MDN1: variants seen among roughly 807,000 people sequenced by gnomAD.
MDN1 encodes the protein midasin AAA ATPase 1.
Under a neutral mutation model 669.2 loss-of-function variants are expected in MDN1, and 266 were observed. That is an observed-to-expected ratio of 0.40 (90% confidence interval 0.36 to 0.44). The LOEUF is 0.44. Ranked by LOEUF, MDN1 falls within the 20% of genes least tolerant of loss-of-function variation. MDN1 has a pLI of 1.00. For synonymous variants in MDN1, 2,385 were observed against 2,457.1 expected, an observed-to-expected ratio of 0.97 and a Z score of 0.87; for missense variants, 5,940 against 6,754.0, an observed-to-expected ratio of 0.88 and a Z score of 4.22.
chr6:89,656,994 G>C (rs1422633554), intron 90 of MDN1, among the ~76,000 whole-genome samples, 193 bp from the exon 91 acceptor site: 1 of 152,202 alleles, frequency 6.6e-6, no homozygotes, highest in Non-Finnish European at 1.5e-5. Context: ...GGAGTGTCTA[G>C]GTACAGACCT....
intron 84 of MDN1, among the ~76,000 whole-genome samples, chr6:89,665,765 C>T (rs1167330509): frequency 6.6e-6 from 1 of 150,512 alleles, no homozygotes; most frequent in Non-Finnish European, 1.5e-5. Flanking sequence ...AATAGCCAGG[C>T]ATGGTGGTTC....
rs142650051 is a variant in MDN1, at chr6:89,685,829, T to C, written c.11717A>G (p.Lys3906Arg). Residue 3906 changes from lysine to arginine, a missense_variant and splice_region_variant, in exon 70 of 102, where the codon AAG (lysine) becomes AGG (arginine). This residue lies in a region of MDN1 where 2,280 missense variants were observed against 2,576.3 expected (regional missense o/e 0.88). Coordinates refer to ENST00000369393, the MANE Select transcript of MDN1 (RefSeq NM_014611.3). ...HVLLMPQVEGKDSLCSVLWNL... is the reference protein window; with the variant it reads ...HVLLMPQVEGRDSLCSVLWNL... The stretch of plus-strand genomic sequence containing the variant: ...GGAAAGGAAAAAAAAATCCTCACCC[T>C]TTCCTTCAACCTGTGGCATCAGCAA... 16 of 1,611,930 alleles carry C rather than the reference T, an allele frequency of 9.9e-6. No individual in the cohort carries two copies. The African/African-American group carries it at 2.0e-4, about 20-fold the overall frequency.
At position 89,803,344 on chromosome 6, in the gene MDN1, G is replaced by A; in HGVS notation, c.313C>T (p.His105Tyr). The A allele has an allele frequency of 6.2e-7, 1 of 1,614,008 alleles. No individual in the cohort carries two copies. Among genetic ancestry groups the A allele is most frequent in the Non-Finnish European group, 8.5e-7 (1 of 1,179,918 alleles). The change falls in exon 2 of 102, where the codon CAT (histidine) becomes TAT (tyrosine). Residue 105 changes from histidine (H) to tyrosine (Y), a missense_variant. By Grantham distance (83) the His-to-Tyr change is moderately conservative. This residue lies in a region of MDN1 where 1,203 missense variants were observed against 1,268.9 expected (regional missense o/e 0.95). Coordinates refer to ENST00000369393, the MANE Select transcript of MDN1 (RefSeq NM_014611.3). ...GCTACTCACGGGAGGACATCAGGAT[G>A]GTTACCAATGAGTTTGCTCATCGAC... is the stretch of plus-strand genomic sequence containing the variant. ...CVSMSKLIGN[H>Y]PDVLPFALRY...
chr6:89,755,394 AAAAAAT>A (rs1457933041), intron 20 of MDN1, among the ~76,000 whole-genome samples: 221 of 152,034 alleles, frequency 1.5e-3, no homozygotes, highest in African/African-American at 5.1e-3. Context: ...AAAAAAAAAA[AAAAAAT>A]AGAACTCCAA....
intron 18 of MDN1, 152 bp downstream of exon 18, chr6:89,758,664 T>C: frequency 2.4e-6 from 2 of 822,724 alleles, no homozygotes; most frequent in South Asian, 1.8e-5. Context: ...CCCAACACTT[T>C]AATGCACTTT....
intron 88 of MDN1, among the ~76,000 whole-genome samples, chr6:89,660,089 G>A (rs1368455201): frequency 6.6e-6 from 1 of 152,104 alleles, no homozygotes; most frequent in Non-Finnish European, 1.5e-5. Context: ...GTTTCTCCAT[G>A]TTGGTCAGGC....
In MDN1 at chr6:89,658,876, C is replaced by T. The variant is rs1172772682; in HGVS notation, c.14755G>A (p.Gly4919Ser). ...LEIKEKPEEA[G>S]HEAEERGETE... ...TCTCCTCTTTCCTCAGCTTCATGAC[C>T]TGCTTCTTCTGGTTTTTCTTTTATC... Residue 4919 changes from glycine (G) to serine (S), a missense_variant, in exon 89 of 102, where the codon GGT becomes AGT. Physicochemically the swap from Gly to Ser is moderately conservative, Grantham distance 56. Transcript: ENST00000369393. 1.9e-6 allele frequency: 3 copies of T among 1,613,022 alleles called. No individual in the cohort carries two copies. In the African/African-American group the frequency reaches 4.0e-5, roughly 22 times the overall value.
rs1366664142 is a variant in MDN1, at chr6:89,810,862, G to A, written c.103-7308C>T. ...AAAATACAAAAATTAGCTGGGCATG[G>A]TGGCACACACCTGTAATCCCAGCTG... is the stretch of plus-strand genomic sequence containing the variant. On this transcript the variant is annotated intron_variant, in intron 1 of 101. Coordinates refer to ENST00000369393, the MANE Select transcript of MDN1 (RefSeq NM_014611.3). 2.6e-5 allele frequency among the ~76,000 whole-genome samples: 4 copies of A among 152,148 alleles called. No individual in the cohort carries two copies. In the East Asian group the frequency reaches 7.7e-4, roughly 29 times the overall value.
intron 1 of MDN1, among the ~76,000 whole-genome samples, chr6:89,808,468 G>T (rs292222): frequency 0.47 from 71,948 of 151,818 alleles, 17,314 homozygotes; most frequent in South Asian, 0.56. Context: ...CAACTTGGTC[G>T]TTCCACTCCA....
intron 10 of MDN1, among the ~76,000 whole-genome samples, chr6:89,780,811 T>C (rs1440062741): frequency 3.5e-5 from 2 of 57,766 alleles, no homozygotes; most frequent in Admixed American, 2.3e-4. Flanking sequence ...TGGCTAATTT[T>C]TGTATTTTTT....
chr6:89,644,943 A>G, intron 101 of MDN1, 72 bp downstream of exon 101: 1 of 1,472,968 alleles, frequency 6.8e-7, no homozygotes, highest in Non-Finnish European at 9.2e-7. Context: ...TCCAGGCCAT[A>G]TTTCAGATTG....
At position 89,653,221 on chromosome 6, in the gene MDN1, AT is replaced by A. The variant is rs1344069004; in HGVS notation, c.15662-67del. The A allele has an allele frequency of 3.5e-6, 5 of 1,445,438 alleles. No individual in the cohort carries two copies. In the African/African-American group the frequency reaches 7.1e-5, roughly 21 times the overall value. 89.5% of individuals were successfully genotyped at this position (1,445,438 alleles called of 1,614,324 possible). A position where few individuals can be genotyped will look rare whatever the true frequency, so the allele number is the denominator to read the frequency against. On this transcript the variant is annotated intron_variant, in intron 93 of 101. Coordinates refer to ENST00000369393, the MANE Select transcript of MDN1 (RefSeq NM_014611.3). ...CCTGATGACTGACCAAGCCTTTGCT[AT>A]TGCCTGTTAATCCTGAAAATTAATC...
At chr6:89,814,235 C>G (rs1340715591) in intron 1 of MDN1, among the ~76,000 whole-genome samples, 1 of 152,106 alleles carries the variant, frequency 6.6e-6, no homozygotes, top group African/African-American at 2.4e-5. Context: ...ATACTCTCTT[C>G]CCTTCAGAAT....
chr6:89,718,670 A>G (rs375260524), intron 42 of MDN1, 43 bp from the exon 43 acceptor site: 11 of 1,608,682 alleles, frequency 6.8e-6, no homozygotes, highest in Admixed American at 1.7e-5. Context: ...GGGTCAGAGA[A>G]TACTGTTATC....
At chr6:89,670,608 TG>T (rs1810683750) in intron 83 of MDN1, among the ~76,000 whole-genome samples, 1 of 152,006 alleles carries the variant, frequency 6.6e-6, no homozygotes, top group Non-Finnish European at 1.5e-5. Flanking sequence ...AGATTTACAT[TG>T]GGGATGGGAA....
chr6:89,751,756 T>G (rs1277352415), intron 22 of MDN1, among the ~76,000 whole-genome samples, 174 bp from the exon 23 acceptor site: 1 of 152,132 alleles, frequency 6.6e-6, no homozygotes, highest in African/African-American at 2.4e-5. Flanking sequence ...CAAAATGGTG[T>G]TATATATTGG....
rs560629809 is a variant in MDN1 at position 89,669,456 on chromosome 6, G to A, written c.13957-1305C>T. On this transcript the variant is annotated intron_variant, in intron 83 of 101. Transcript: ENST00000369393. ...AAACATATTTATCCTCTTGATACAA[G>A]GCATTAGGCTTGGCTTCCACTTTTT... Among the ~76,000 whole-genome samples, 11 of 152,174 alleles carry A rather than the reference G, an allele frequency of 7.2e-5. No individual in the cohort carries two copies. In the East Asian group the frequency reaches 2.1e-3, roughly 29 times the overall value.
At chr6:89,749,516 T>C (rs561833844) in intron 25 of MDN1, 27 bp downstream of exon 25, 1 of 1,610,394 alleles carries the variant, frequency 6.2e-7, no homozygotes, top group East Asian at 2.2e-5. Flanking sequence ...GTTAACAAAT[T>C]GAAGGAAGGA....
chr6:89,751,614 A>C, intron 22 of MDN1, 32 bp from the exon 23 acceptor site: 11 of 1,603,714 alleles, frequency 6.9e-6, no homozygotes, highest in Non-Finnish European at 9.4e-6. Context: ...GGAATAACCC[A>C]CAGTTGTACA....
Sources: gnomAD v4.1 joint callset for allele counts (sites outside exome capture counted in the v4.1 genomes callset) on GRCh38, gnomAD v4.1.1 for gene constraint, gnomAD v4.1.1 regional missense constraint, MANE v1.5 for transcripts, NCBI Gene and HGNC (gene_info 2026-07-23, HGNC 2026-07-21) for gene names.